Variants in NUB1 observed in about 807,000 individuals in gnomAD.
The protein encoded by NUB1 is negative regulator of ubiquitin like proteins 1, also known as NEDD8 ultimate buster 1.
A neutral mutation model predicts 77.1 loss-of-function variants in NUB1; 41 were observed. The observed-to-expected ratio is 0.53, with a 90% CI of 0.41 to 0.69. NUB1 has a LOEUF of 0.69. Ranked by LOEUF, NUB1 falls within the 30% of genes least tolerant of loss-of-function variation. The pLI is 0.00. For missense variants in NUB1, 643 were observed against 743.8 expected, an observed-to-expected ratio of 0.86 and a Z score of 1.58; for synonymous variants, 257 against 281.0, an observed-to-expected ratio of 0.91 and a Z score of 0.85.
chr7:151,366,920 A>G lies in NUB1; in HGVS notation c.801-19A>G, dbSNP rs774939348. 5.1e-6 allele frequency: 8 copies of G among 1,561,446 alleles called. No individual in the cohort carries two copies. Among genetic ancestry groups the G allele is most frequent in the African/African-American group, 2.7e-5 (2 of 72,866 alleles). On this transcript the variant is annotated intron_variant, in intron 8 of 14. Coordinates refer to ENST00000568733, the MANE Select transcript of NUB1 (RefSeq NM_001243351.2). Reference sequence around the variant, plus strand: ...TCAAATGCTGCTTGGCAGTGATGTCACTGTCCTTCTCTTTCCAGTGAGTGT... The same window carrying G: ...TCAAATGCTGCTTGGCAGTGATGTCGCTGTCCTTCTCTTTCCAGTGAGTGT...
chr7:151,363,839 G>A (rs933444457), intron 8 of NUB1, among the ~76,000 whole-genome samples: 5 of 151,852 alleles, frequency 3.3e-5, no homozygotes, highest in African/African-American at 9.7e-5. Flanking sequence ...GTGCAGTGAC[G>A]CAATCTTAGT....
chr7:151,367,991 C>T, intron 10 of NUB1, 23 bp downstream of exon 10: 1 of 1,299,484 alleles, frequency 7.7e-7, no homozygotes, highest in Non-Finnish European at 1.1e-6. Flanking sequence ...AAGTTGTAAC[C>T]AATTTTCACC....
intron 3 of NUB1, among the ~76,000 whole-genome samples, chr7:151,349,915 C>G (rs390052): frequency 0.6 from 91,958 of 152,142 alleles, 29,385 homozygotes; most frequent in East Asian, 0.9. Flanking sequence ...ACGCGGAAAC[C>G]GGTAGTGGCC....
At chr7:151,374,611 A>C (rs947924171) in intron 12 of NUB1, 2 of 294,866 alleles carry the variant, frequency 6.8e-6, no homozygotes, top group African/African-American at 2.2e-5. Context: ...TTGGCATTAA[A>C]ATTTTAAATG....
At chr7:151,367,768 C>T (rs1797763517) in intron 9 of NUB1, 93 bp from the exon 10 acceptor site, 4 of 783,712 alleles carry the variant, frequency 5.1e-6, no homozygotes, top group East Asian at 2.7e-5. Context: ...TCATGTTGCC[C>T]CTCTGGAGAC....
intron 2 of NUB1, among the ~76,000 whole-genome samples, chr7:151,347,201 G>A (rs186036483): frequency 1.4e-3 from 220 of 151,926 alleles, no homozygotes; most frequent in African/African-American, 4.9e-3. Flanking sequence ...GTTAAACATC[G>A]TTAACATAGG....
intron 14 of NUB1, 34 bp from the exon 15 acceptor site, chr7:151,377,013 A>C (rs886701569): frequency 2.7e-5 from 41 of 1,497,814 alleles, no homozygotes; most frequent in Non-Finnish European, 3.7e-5. Context: ...CAATCCTCAC[A>C]TAATTCACTT....
chr7:151,349,007 G>A, intron 2 of NUB1, 66 bp from the exon 3 acceptor site: 4 of 1,466,590 alleles, frequency 2.7e-6, no homozygotes, highest in Non-Finnish European at 3.7e-6. Context: ...AGTCTTTCAT[G>A]CCCTTTTCTA....
At position 151,356,241 on chromosome 7, in the gene NUB1, G is replaced by A; in HGVS notation, c.693+19G>A. The A allele has an allele frequency of 6.5e-7, 1 of 1,544,424 alleles. No individual in the cohort carries two copies. The highest frequency in any genetic ancestry group is 8.9e-7 in the Non-Finnish European group (1 of 1,117,448). On this transcript the variant is annotated intron_variant, in intron 7 of 14. Transcript: ENST00000568733. The stretch of plus-strand genomic sequence containing the variant: ...AAGAAAAGTAAGTACTATGAGAAAT[G>A]TGTGGCCTGTTCTTAGATTTGTTGT...
intron 11 of NUB1, among the ~76,000 whole-genome samples, chr7:151,369,970 G>A (rs1185581412): frequency 6.6e-6 from 1 of 152,174 alleles, no homozygotes; most frequent in African/African-American, 2.4e-5. Flanking sequence ...CAGTCACAGG[G>A]TTTCTCCTTT....
In NUB1 at chr7:151,375,049, G is replaced by C. The variant is rs1190564128; in HGVS notation, c.1396-799G>C. ...CTGGGGGGACAGAGATGGGGTTGGAGGGGGTGGGGTGCAGGGCAGGTGTCC... is the reference window on the plus strand; with the variant it reads ...CTGGGGGGACAGAGATGGGGTTGGACGGGGTGGGGTGCAGGGCAGGTGTCC... On this transcript the variant is annotated intron_variant, in intron 12 of 14. Transcript: ENST00000568733. Among the ~76,000 whole-genome samples the C allele has an allele frequency of 4.6e-5, 7 of 151,608 alleles. No individual in the cohort carries two copies. In the South Asian group the frequency reaches 1.5e-3, roughly 32 times the overall value.
chr7:151,359,105 A>G (rs116911095), intron 7 of NUB1, among the ~76,000 whole-genome samples: 5,759 of 150,376 alleles, frequency 0.038, 151 homozygotes, highest in South Asian at 0.11. Flanking sequence ...TGGAAATACT[A>G]AAGTTGACAA....
chr7:151,345,078 G>A (rs1259828871), intron 1 of NUB1, among the ~76,000 whole-genome samples: 2 of 152,086 alleles, frequency 1.3e-5, no homozygotes, highest in Non-Finnish European at 2.9e-5. Flanking sequence ...TAAGAGAATA[G>A]CAGATTAAGA....
chr7:151,341,977 T>A (rs1434857619), intron 1 of NUB1, 131 bp downstream of exon 1: 1 of 1,308,280 alleles, frequency 7.6e-7, no homozygotes, highest in Non-Finnish European at 9.7e-7. Context: ...TGAGCAGCCA[T>A]GCGTGGAGCT....
chr7:151,374,819 T>C (rs1179070279), intron 12 of NUB1, among the ~76,000 whole-genome samples: 2 of 152,076 alleles, frequency 1.3e-5, no homozygotes, highest in African/African-American at 2.4e-5. Context: ...CAGCTTGGCA[T>C]GGAACCACCC....
chr7:151,356,369 G>A, intron 7 of NUB1, 147 bp downstream of exon 7: 2 of 666,422 alleles, frequency 3.0e-6, no homozygotes, highest in Non-Finnish European at 2.7e-6. Context: ...GTCACCACGT[G>A]GTGAGCACTG....
intron 13 of NUB1, chr7:151,376,167 C>G (rs191846760): frequency 1.7e-5 from 9 of 528,108 alleles, no homozygotes; most frequent in African/African-American, 1.1e-4. Context: ...AGGAAGTTCT[C>G]TTTAGGTTTG....
intron 12 of NUB1, among the ~76,000 whole-genome samples, chr7:151,375,412 G>A (rs1798170163): frequency 6.6e-6 from 1 of 152,062 alleles, no homozygotes; most frequent in African/African-American, 2.4e-5. Context: ...TCTCCACAGG[G>A]TCTTTGAAGA....
Position 151,366,954 on chromosome 7 carries a change from G to A in NUB1, c.816G>A (p.Glu272=), listed in dbSNP as rs1797719317. The change falls in exon 9 of 15, where the codon GAG becomes GAA. Residue 272 remains glutamate, a synonymous_variant. Transcript: ENST00000568733. ...ADKYFCECCR[E]LLDTVDNYAV... ...CTCTTTCCAGTGAGTGTTGCAGAGA[G>A]CTGCTGGACACAGTGGATAACTACG... 1 of 1,608,838 alleles carries A rather than the reference G, an allele frequency of 6.2e-7. No homozygotes were observed. The highest frequency in any genetic ancestry group is 1.1e-5 in the South Asian group (1 of 90,106).
Sources: allele counts gnomAD v4.1 joint callset (sites outside exome capture counted in the v4.1 genomes callset), GRCh38; gene constraint gnomAD v4.1.1; transcripts MANE v1.5; gene names NCBI Gene and HGNC (gene_info 2026-07-23, HGNC 2026-07-21).